The following THBS2 variants were observed in gnomAD, a reference collection of about 807,000 sequenced individuals.
THBS2 encodes the protein thrombospondin-2.
THBS2 carries 47 observed loss-of-function variants against 135.2 expected under a neutral mutation model. That is an observed-to-expected ratio of 0.35 (90% CI 0.28 to 0.44). The LOEUF (loss-of-function observed/expected upper bound fraction) is 0.44, where lower values mean the gene tolerates loss of function less well. Among genes scored for constraint, THBS2 ranks in the 20% least tolerant of loss-of-function variants. THBS2 has a pLI of 1.00. For synonymous variants in THBS2, 639 were observed against 633.8 expected (o/e 1.01, Z -0.12); for missense variants, 1,288 against 1,603.1 (o/e 0.80, Z 3.36).
intron 6 of THBS2, 102 bp downstream of exon 6, chr6:169,240,350 T>C (rs1780244960): frequency 6.8e-7 from 1 of 1,466,780 alleles, no homozygotes; most frequent in Non-Finnish European, 9.2e-7. Flanking sequence ...GCTGAACCGG[T>C]TTCACACATC....
Position 169,232,925 on chromosome 6 carries a change from A to G in THBS2, c.1744T>C (p.Leu582=), listed in dbSNP as rs1256166565. The G allele has an allele frequency of 1.9e-6, 3 of 1,581,106 alleles. No homozygotes were observed. The highest frequency in any genetic ancestry group is 1.1e-5 in the South Asian group (1 of 87,478). Residue 582 remains leucine, a synonymous_variant, in exon 11 of 22, where the codon TTG becomes CTG. Coordinates refer to ENST00000617924, the MANE Select transcript of THBS2 (RefSeq NM_003247.5). ...WSCGSCPVGF[L]GNGTHCEDLD... ...TCCTCACAGTGGGTGCCATTGCCCA[A>G]GAAGCCCACAGGGCAGGAGCCGCAT...
At chr6:169,219,278 ATGGATGAGATAGTTGGGTGGATGGGTGGT>A (rs1779326854) in intron 21 of THBS2, among the ~76,000 whole-genome samples, 1 of 123,170 alleles carries the variant, frequency 8.1e-6, no homozygotes, top group East Asian at 2.8e-4. Context: ...GGATGGATGG[ATGGATGAGATAGTTGGGTGGATGGGTGGT>A]TGGATGGATG....
At chr6:169,243,908 A>C (rs1187640698) in intron 4 of THBS2, among the ~76,000 whole-genome samples, 1 of 152,190 alleles carries the variant, frequency 6.6e-6, no homozygotes, top group African/African-American at 2.4e-5. Context: ...CAAACAGTGG[A>C]AAAGGGGATG....
intron 6 of THBS2, 129 bp from the exon 7 acceptor site, chr6:169,239,824 G>A (rs186853988): frequency 1.3e-5 from 9 of 709,720 alleles, no homozygotes; most frequent in South Asian, 5.6e-5. Flanking sequence ...ACATTACAGA[G>A]ATGTGAAAAT....
At chr6:169,246,385 G>T in intron 3 of THBS2, 104 bp from the exon 4 acceptor site, 1 of 937,676 alleles carries the variant, frequency 1.1e-6, no homozygotes, top group Non-Finnish European at 1.7e-6. Flanking sequence ...TCTTCAAGTA[G>T]TGAGAGTATT....
At position 169,241,072 on chromosome 6, in the gene THBS2, C is replaced by T. The variant is rs566812468; in HGVS notation, c.892-480G>A. On this transcript the variant is annotated intron_variant, in intron 5 of 21. Coordinates refer to ENST00000617924, the MANE Select transcript of THBS2 (RefSeq NM_003247.5). This position sits in a 1 kb window ranked among gnomAD's most constrained non-coding sequence, Gnocchi z 5.5. ...CCGCCCTCCCTGCCCCGGACTCCTG[C>T]CCCTGCCGCCCTCCCTGCCCTGGGC... 2.6e-4 allele frequency among the ~76,000 whole-genome samples: 39 copies of T among 151,424 alleles called. No individual in the cohort carries two copies. Among genetic ancestry groups the T allele is most frequent in the African/African-American group, 9.4e-4 (39 of 41,274 alleles).
chr6:169,229,828 G>C (rs563095804), intron 13 of THBS2, 149 bp from the exon 14 acceptor site: 1 of 605,470 alleles, frequency 1.7e-6, no homozygotes, highest in South Asian at 2.1e-5. Flanking sequence ...AGAGGAGCCA[G>C]GAGGCCAGAA....
intron 1 of THBS2, 91 bp from the exon 2 acceptor site, chr6:169,250,897 G>C: frequency 1.3e-6 from 1 of 777,380 alleles, no homozygotes; most frequent in African/African-American, 1.8e-5. Context: ...CATGACCATT[G>C]AATAACAGTT....
chr6:169,229,172 A>G (rs1367294684), intron 14 of THBS2, among the ~76,000 whole-genome samples: 1 of 152,232 alleles, frequency 6.6e-6, no homozygotes, highest in Non-Finnish European at 1.5e-5. Context: ...TTTGTGTACA[A>G]ATACATTAAA....
Position 169,241,623 on chromosome 6 carries a change from C to A in THBS2, c.891+139G>T, listed in dbSNP as rs553794691. The A allele has an allele frequency of 3.6e-6, 3 of 833,854 alleles. No homozygotes were observed. Among genetic ancestry groups the A allele is most frequent in the South Asian group, 4.4e-5 (2 of 45,858 alleles). The allele number at this position is 833,854 out of a possible 1,614,324, so 51.7% of individuals were successfully genotyped here. ...CAAGGATCCTGAGGAGCCCGGCAGACACCTCCCCTGTGAACTGTGGGTTTT... is the reference window on the plus strand; with the variant it reads ...CAAGGATCCTGAGGAGCCCGGCAGAAACCTCCCCTGTGAACTGTGGGTTTT... On this transcript the variant is annotated intron_variant, in intron 5 of 21. Coordinates refer to ENST00000617924, the MANE Select transcript of THBS2 (RefSeq NM_003247.5). This position sits in a 1 kb window ranked among gnomAD's most constrained non-coding sequence, Gnocchi z 5.5.
At chr6:169,226,477 C>T (rs1397956818) in intron 15 of THBS2, among the ~76,000 whole-genome samples, 179 bp from the exon 16 acceptor site, 1 of 152,142 alleles carries the variant, frequency 6.6e-6, no homozygotes, top group Non-Finnish European at 1.5e-5. Context: ...TTTAGAAGAA[C>T]ATATGACATA....
Position 169,218,693 on chromosome 6 carries a change from G to T in THBS2, c.3512-864C>A, listed in dbSNP as rs200883271. Among the ~76,000 whole-genome samples the T allele has an allele frequency of 1.3e-4, 15 of 111,224 alleles. No homozygotes were observed. In the South Asian group the frequency reaches 3.9e-3, roughly 29 times the overall value. 73.0% of individuals were successfully genotyped at this position (111,224 alleles called of 152,430 possible). ...GGCGGATGAGTAGATGGATGGATGG[G>T]ATGGATGGATGGATGAGACAGGTGG... On this transcript the variant is annotated intron_variant, in intron 21 of 21. Transcript: ENST00000617924.
intron 18 of THBS2, 65 bp from the exon 19 acceptor site, chr6:169,222,533 G>T: frequency 6.5e-7 from 1 of 1,549,538 alleles, no homozygotes. Flanking sequence ...AGTGACTCAT[G>T]CCTGTAATCC....
chr6:169,217,623 C>G lies in THBS2; in HGVS notation c.*199G>C. 1 of 533,050 alleles carries G rather than the reference C, an allele frequency of 1.9e-6. No individual in the cohort carries two copies. The highest frequency in any genetic ancestry group is 3.3e-6 in the Non-Finnish European group (1 of 301,360). The allele number at this position is 533,050 out of a possible 1,614,324, so 33.0% of individuals were successfully genotyped here. On this transcript the variant is annotated 3_prime_UTR_variant, in exon 22 of 22. Transcript: ENST00000617924. ...GGTTTCCTCTAGTGGGTTAGATGTT[C>G]ATCTCTGAGTTCCATTGATATTTAT...
At chr6:169,219,836 T>TC (rs1562352502) in intron 21 of THBS2, 1 of 503,046 alleles carries the variant, frequency 2.0e-6, no homozygotes, top group South Asian at 1.4e-5. Flanking sequence ...CTTCCTTCCT[T>TC]CTTTCCTTCC....
chr6:169,221,775 C>A (rs1779439650), intron 19 of THBS2, among the ~76,000 whole-genome samples: 1 of 152,222 alleles, frequency 6.6e-6, no homozygotes, highest in South Asian at 2.1e-4. Flanking sequence ...AGAGCCCAGG[C>A]ACCTGATCCT....
At chr6:169,242,006 A>G (rs1372759332) in intron 4 of THBS2, 48 bp from the exon 5 acceptor site, 3 of 1,559,324 alleles carry the variant, frequency 1.9e-6, no homozygotes, top group African/African-American at 1.3e-5. Flanking sequence ...GGACGGGGCC[A>G]GCAGCAGGGG....
intron 4 of THBS2, among the ~76,000 whole-genome samples, chr6:169,245,514 C>T (rs984434404): frequency 7.3e-5 from 11 of 151,336 alleles, no homozygotes; most frequent in African/African-American, 9.7e-5. Flanking sequence ...ACTTCTAGGC[C>T]GGGCGTGGTG....
At chr6:169,249,516 G>A (rs1206478435) in intron 2 of THBS2, among the ~76,000 whole-genome samples, 3 of 152,192 alleles carry the variant, frequency 2.0e-5, no homozygotes, top group Admixed American at 6.5e-5. Flanking sequence ...GTCAGAAAGC[G>A]GCTAAATCGT....
Sources: gnomAD v4.1 joint callset for allele counts (sites outside exome capture counted in the v4.1 genomes callset) on GRCh38, gnomAD v4.1.1 for gene constraint, Gnocchi (gnomAD v3.1) non-coding constraint, MANE v1.5 for transcripts, NCBI Gene and HGNC (gene_info 2026-07-23, HGNC 2026-07-21) for gene names.